CHRM5: variants seen among roughly 807,000 people sequenced by gnomAD.
The protein encoded by CHRM5 is muscarinic acetylcholine receptor M5.
In CHRM5, 18 loss-of-function variants were observed where a neutral mutation model predicts 39.0. That is an observed-to-expected ratio of 0.46 (90% CI 0.32 to 0.68). CHRM5 has a LOEUF of 0.68. Ranked by LOEUF, CHRM5 falls within the 30% of genes least tolerant of loss-of-function variation. CHRM5 has a pLI of 0.04. For missense variants in CHRM5, 515 were observed against 651.1 expected (o/e 0.79, Z 2.28); for synonymous variants, 241 against 246.3 (o/e 0.98, Z 0.20).
At chr15:34,041,969 C>A (rs1458475654) in intron 1 of CHRM5, among the ~76,000 whole-genome samples, 4 of 152,176 alleles carry the variant, frequency 2.6e-5, no homozygotes, top group Non-Finnish European at 5.9e-5. Context: ...TTGTTTTTCT[C>A]AATTCAACCA....
At chr15:34,039,831 A>G (rs1287831829) in intron 1 of CHRM5, among the ~76,000 whole-genome samples, 1 of 152,218 alleles carries the variant, frequency 6.6e-6, no homozygotes, top group East Asian at 1.9e-4. Context: ...AGCCTTGGAA[A>G]GGTTAAAAAA....
At chr15:34,038,657 C>CGCCGGT (rs1899283862) in intron 1 of CHRM5, 1 of 950,066 alleles carries the variant, frequency 1.1e-6, no homozygotes, top group African/African-American at 1.8e-5. Context: ...CCCGCGCAGG[C>CGCCGGT]GCCGGCGCCG....
chr15:33,983,524 T>C (rs1281937318), intron 1 of CHRM5, among the ~76,000 whole-genome samples: 2 of 152,110 alleles, frequency 1.3e-5, no homozygotes, highest in Non-Finnish European at 2.9e-5. Context: ...ACTTGACCTC[T>C]TGTCCAAGGC....
chr15:33,995,054 G>A (rs1328732100), intron 1 of CHRM5, among the ~76,000 whole-genome samples: 1 of 152,180 alleles, frequency 6.6e-6, no homozygotes, highest in Non-Finnish European at 1.5e-5. Context: ...TTGAGACCAG[G>A]AATTCAAGAC....
chr15:33,976,455 C>A (rs1378897163), intron 1 of CHRM5, among the ~76,000 whole-genome samples: 2 of 105,834 alleles, frequency 1.9e-5, no homozygotes, highest in Admixed American at 1.2e-4. Flanking sequence ...TACCCATGGA[C>A]TTATTACACA....
At chr15:34,035,316 C>T (rs1899064031) in intron 1 of CHRM5, among the ~76,000 whole-genome samples, 1 of 152,030 alleles carries the variant, frequency 6.6e-6, no homozygotes, top group African/African-American at 2.4e-5. Context: ...TCTGGTAACA[C>T]CCACAATAAC....
In CHRM5 at chr15:34,064,305, A is replaced by C. The variant is rs763340823; in HGVS notation, c.1588A>C (p.Lys530Gln). The C allele has an allele frequency of 1.9e-6, 3 of 1,612,076 alleles. No homozygotes were observed. The African/African-American group carries it at 4.0e-5, about 22-fold the overall frequency. Residue 530 changes from lysine to glutamine, a missense_variant, in exon 3 of 3, where the codon AAG becomes CAG. Lys to Gln is a moderately conservative substitution (Grantham distance 53). Transcript: ENST00000383263. ...EEKLYWQGNSKLP is the reference protein window; with the variant it reads ...EEKLYWQGNSQLP Reference sequence around the variant, plus strand: ...GAAGTTGTACTGGCAGGGGAACAGCAAGCTACCCTGAAAAGTCAACAACTC... The same window carrying C: ...GAAGTTGTACTGGCAGGGGAACAGCCAGCTACCCTGAAAAGTCAACAACTC...
intron 1 of CHRM5, among the ~76,000 whole-genome samples, chr15:34,006,227 C>T (rs1597340289): frequency 6.6e-6 from 1 of 151,568 alleles, no homozygotes; most frequent in Non-Finnish European, 1.5e-5. Context: ...AGGAGAATGG[C>T]GTGAATCCAG....
At chr15:33,977,755 A>G (rs185528591) in intron 1 of CHRM5, among the ~76,000 whole-genome samples, 21 of 152,248 alleles carry the variant, frequency 1.4e-4, no homozygotes, top group African/African-American at 4.8e-4. Flanking sequence ...CCTCCCTGGC[A>G]AAACAGCCAG....
chr15:33,999,871 T>C (rs1897072254), intron 1 of CHRM5, among the ~76,000 whole-genome samples: 1 of 152,204 alleles, frequency 6.6e-6, no homozygotes, highest in South Asian at 2.1e-4. Context: ...ATCACTCTTC[T>C]CTTCAAACCC....
chr15:34,005,309 AATTGTATCTAATTGTTTATTC>A (rs1897295967), intron 1 of CHRM5, among the ~76,000 whole-genome samples: 1 of 152,144 alleles, frequency 6.6e-6, no homozygotes, highest in Non-Finnish European at 1.5e-5. Flanking sequence ...CAGGACCAGG[AATTGTATCTAATTGTTTATTC>A]CTTAAGTCTC....
At chr15:34,045,632 G>C (rs1272781931) in intron 1 of CHRM5, among the ~76,000 whole-genome samples, 1 of 151,902 alleles carries the variant, frequency 6.6e-6, no homozygotes, top group Non-Finnish European at 1.5e-5. Context: ...TGCCATTAAA[G>C]TTTTCCACTG....
At chr15:34,037,231 C>T (rs1899184632) in intron 1 of CHRM5, among the ~76,000 whole-genome samples, 1 of 152,162 alleles carries the variant, frequency 6.6e-6, no homozygotes, top group Non-Finnish European at 1.5e-5. Context: ...AAGTCCTGTG[C>T]GCCAGACACC....
intron 2 of CHRM5, among the ~76,000 whole-genome samples, chr15:34,060,603 C>T (rs551215710): frequency 8.5e-5 from 13 of 152,250 alleles, no homozygotes; most frequent in African/African-American, 2.2e-4. Flanking sequence ...TCACCGGGCA[C>T]GGTGGCTTTC....
At chr15:34,056,798 CTT>C (rs1384239741) in intron 2 of CHRM5, among the ~76,000 whole-genome samples, 1 of 152,118 alleles carries the variant, frequency 6.6e-6, no homozygotes, top group African/African-American at 2.4e-5. Context: ...AGGCAGATCA[CTT>C]GAGGCCAGGA....
At chr15:34,034,135 C>T (rs1032435327) in intron 1 of CHRM5, among the ~76,000 whole-genome samples, 1 of 152,120 alleles carries the variant, frequency 6.6e-6, no homozygotes, top group Admixed American at 6.5e-5. Flanking sequence ...AATATCAAAT[C>T]ACTCTAGTAT....
At chr15:34,013,050 G>C (rs975716198) in intron 1 of CHRM5, among the ~76,000 whole-genome samples, 1 of 150,274 alleles carries the variant, frequency 6.7e-6, no homozygotes, top group Non-Finnish European at 1.5e-5. Flanking sequence ...TCCTATCACA[G>C]TGGTTTTTTT....
chr15:33,970,585 T>C (rs1460656745), intron 1 of CHRM5, among the ~76,000 whole-genome samples: 1 of 151,974 alleles, frequency 6.6e-6, no homozygotes, highest in East Asian at 1.9e-4. Flanking sequence ...ATTATGGTAT[T>C]ACAGTTTGTA....
chr15:34,041,434 A>G (rs932852307), intron 1 of CHRM5, among the ~76,000 whole-genome samples: 1 of 152,214 alleles, frequency 6.6e-6, no homozygotes, highest in African/African-American at 2.4e-5. Flanking sequence ...GTACATCTCC[A>G]ATGTAGTGAG....
Sources: gnomAD v4.1 joint callset for allele counts (sites outside exome capture counted in the v4.1 genomes callset) on GRCh38, gnomAD v4.1.1 for gene constraint, MANE v1.5 for transcripts, NCBI Gene and HGNC (gene_info 2026-07-23, HGNC 2026-07-21) for gene names.